The following CDH13 variants were observed in gnomAD, a reference collection of about 807,000 sequenced individuals.
CDH13 encodes cadherin-13.
Under a neutral mutation model 63.8 loss-of-function variants are expected in CDH13, and 24 were observed. The observed-to-expected ratio is 0.38, with a 90% CI of 0.27 to 0.53. The LOEUF is 0.53. Among genes scored for constraint, CDH13 ranks in the 20% least tolerant of loss-of-function variants. The pLI, the probability that CDH13 is intolerant of heterozygous loss-of-function variation, is 0.85. For synonymous variants in CDH13, 503 were observed against 355.3 expected (o/e 1.42, Z -4.67); for missense variants, 1,049 against 903.1 (o/e 1.16, Z -2.07).
intron 4 of CDH13, among the ~76,000 whole-genome samples, chr16:83,168,398 A>T (rs1029089747): frequency 1.3e-5 from 2 of 151,926 alleles, no homozygotes; most frequent in African/African-American, 4.8e-5. Context: ...TATATTTACG[A>T]CTGTAGCCTT....
intron 2 of CDH13, among the ~76,000 whole-genome samples, chr16:82,982,118 GA>G (rs1245745428): frequency 4.0e-5 from 6 of 151,894 alleles, no homozygotes; most frequent in East Asian, 1.9e-4. Flanking sequence ...AATTTATTAG[GA>G]AAAAAATTAA....
chr16:83,165,413 C>T (rs976781262), intron 4 of CDH13, among the ~76,000 whole-genome samples: 6 of 152,150 alleles, frequency 3.9e-5, no homozygotes, highest in Non-Finnish European at 5.9e-5. Context: ...TTCTAATTTG[C>T]TTTTGACCAC....
At chr16:83,643,980 GT>G (rs1327096582) in intron 8 of CDH13, among the ~76,000 whole-genome samples, 1 of 152,160 alleles carries the variant, frequency 6.6e-6, no homozygotes, top group Non-Finnish European at 1.5e-5. Context: ...CCTGCATGTG[GT>G]TTGTCTTATC....
chr16:83,182,890 C>T (rs1197623229), intron 4 of CDH13, among the ~76,000 whole-genome samples: 2 of 151,932 alleles, frequency 1.3e-5, no homozygotes, highest in East Asian at 3.9e-4. Flanking sequence ...TTGCATTTTT[C>T]CTTTTCTGAA....
At chr16:83,442,129 A>T (rs1436177405) in intron 6 of CDH13, among the ~76,000 whole-genome samples, 3 of 152,156 alleles carry the variant, frequency 2.0e-5, no homozygotes, top group African/African-American at 7.2e-5. Context: ...GGTTATCACC[A>T]TGCTCCTCCA....
At chr16:83,139,553 G>A (rs1567868356) in intron 4 of CDH13, among the ~76,000 whole-genome samples, 1 of 152,038 alleles carries the variant, frequency 6.6e-6, no homozygotes, top group Non-Finnish European at 1.5e-5. Context: ...CACAAGTGGT[G>A]CTTTTATTTT....
chr16:82,645,520 A>C (rs554105399), intron 1 of CDH13, among the ~76,000 whole-genome samples: 8 of 152,062 alleles, frequency 5.3e-5, no homozygotes, highest in Admixed American at 1.3e-4. Context: ...GGCAGAGCTC[A>C]GGGATGCTGT....
At chr16:83,501,256 C>G (rs1032616271) in intron 7 of CDH13, among the ~76,000 whole-genome samples, 3 of 152,176 alleles carry the variant, frequency 2.0e-5, no homozygotes, top group African/African-American at 7.2e-5. Flanking sequence ...ATAGAAATGA[C>G]CATTGAAATT....
chr16:82,910,160 A>T (rs1319819775), intron 2 of CDH13, among the ~76,000 whole-genome samples: 3 of 152,314 alleles, frequency 2.0e-5, no homozygotes, highest in Non-Finnish European at 2.9e-5. Context: ...TGCTCATCAG[A>T]ATCCTGCTGC....
intron 10 of CDH13, among the ~76,000 whole-genome samples, chr16:83,734,734 A>G (rs1174269965): frequency 6.7e-6 from 1 of 148,614 alleles, no homozygotes; most frequent in Non-Finnish European, 1.5e-5. Context: ...AAGTATAATA[A>G]TAATAATAAT....
rs2036847799 is a variant in CDH13, at chr16:83,148,559, G to C, written c.483+23058G>C. 5.3e-5 allele frequency among the ~76,000 whole-genome samples: 8 copies of C among 152,174 alleles called. No individual in the cohort carries two copies. The South Asian group carries it at 1.7e-3, about 31-fold the overall frequency. Reference sequence around the variant, plus strand: ...TCATTTTATGCACCTGCACAGTGGAGGTAATAATAGTGCCTGCCTCATAGG... The same window carrying C: ...TCATTTTATGCACCTGCACAGTGGACGTAATAATAGTGCCTGCCTCATAGG... On this transcript the variant is annotated intron_variant, in intron 4 of 13. Transcript: ENST00000567109.
In CDH13 at chr16:83,486,505, T is replaced by C; in HGVS notation, c.810T>C (p.Phe270=). Residue 270 remains phenylalanine (F), a synonymous_variant, in exon 7 of 14, where the codon TTT becomes TTC. Coordinates refer to ENST00000567109, the MANE Select transcript of CDH13 (RefSeq NM_001257.5). ...TGTTVMRMTA[F]DADDPATDNA... ...CCACAGTGATGCGGATGACAGCCTTTGATGCAGATGACCCAGCCACCGATA... is the reference window on the plus strand; with the variant it reads ...CCACAGTGATGCGGATGACAGCCTTCGATGCAGATGACCCAGCCACCGATA... 1 of 1,613,774 alleles carries C rather than the reference T, an allele frequency of 6.2e-7. No individual in the cohort carries two copies. The highest frequency in any genetic ancestry group is 8.5e-7 in the Non-Finnish European group (1 of 1,179,774).
intron 8 of CDH13, among the ~76,000 whole-genome samples, chr16:83,649,745 C>T (rs777489294): frequency 2.0e-5 from 3 of 152,050 alleles, no homozygotes; most frequent in Admixed American, 6.6e-5. Context: ...CCTGCCTTCT[C>T]GCACTCTTCC....
At chr16:82,684,780 CTT>C (rs1914894028) in intron 1 of CDH13, among the ~76,000 whole-genome samples, 1 of 152,228 alleles carries the variant, frequency 6.6e-6, no homozygotes, top group Non-Finnish European at 1.5e-5. Flanking sequence ...GCAAACATGA[CTT>C]GCAGGCATAG....
chr16:83,259,253 G>A (rs371841585), intron 5 of CDH13, among the ~76,000 whole-genome samples: 49 of 152,240 alleles, frequency 3.2e-4, no homozygotes, highest in African/African-American at 1.1e-3. Context: ...CTGTGAAGTG[G>A]AGCTAATGAG....
chr16:83,732,184 G>A (rs1052390395), intron 10 of CDH13, among the ~76,000 whole-genome samples: 12 of 152,162 alleles, frequency 7.9e-5, no homozygotes, highest in African/African-American at 2.9e-4. Context: ...TCACACAACC[G>A]GTGTGATTAC....
intron 6 of CDH13, chr16:83,397,987 G>C (rs1014628658): frequency 7.4e-6 from 1 of 135,058 alleles, no homozygotes; most frequent in Admixed American, 7.2e-5. Flanking sequence ...ATTTGCAGGT[G>C]CAGGGGAGGC....
intron 2 of CDH13, among the ~76,000 whole-genome samples, chr16:82,868,394 C>T (rs2040225965): frequency 6.6e-6 from 1 of 152,152 alleles, no homozygotes; most frequent in South Asian, 2.1e-4. Flanking sequence ...TTAGAAACCT[C>T]ATAAATGCAT....
intron 3 of CDH13, among the ~76,000 whole-genome samples, chr16:83,100,331 G>C (rs1011723060): frequency 6.6e-6 from 1 of 152,168 alleles, no homozygotes. Context: ...GAAATAGGAA[G>C]TGTTGGGGAT....
Sources: gnomAD v4.1 joint callset for allele counts (sites outside exome capture counted in the v4.1 genomes callset) on GRCh38, gnomAD v4.1.1 for gene constraint, MANE v1.5 for transcripts, NCBI Gene and HGNC (gene_info 2026-07-23, HGNC 2026-07-21) for gene names.